The following TPRG1 variants were observed in gnomAD, a reference collection of about 807,000 sequenced individuals.
The protein encoded by TPRG1 is tumor protein p63 regulated 1.
TPRG1 carries 29 observed loss-of-function variants against 29.3 expected under a neutral mutation model. The ratio of observed to expected loss-of-function variants is 0.99; its 90% CI spans 0.74 to 1.35. TPRG1 has a LOEUF of 1.35. Among genes scored for constraint, TPRG1 ranks in the 40% most tolerant of loss-of-function variants. TPRG1 has a pLI of 0.00. For synonymous variants in TPRG1, 130 were observed against 116.8 expected, an observed-to-expected ratio of 1.11 and a Z score of -0.73; for missense variants, 327 against 335.0, an observed-to-expected ratio of 0.98 and a Z score of 0.19.
In TPRG1 at chr3:189,238,914, G is replaced by A; in HGVS notation, c.479+5G>A. 1 of 1,599,252 alleles carries A rather than the reference G, an allele frequency of 6.3e-7. No homozygotes were observed. Among genetic ancestry groups the A allele is most frequent in the African/African-American group, 1.3e-5 (1 of 74,580 alleles). On this transcript the variant is annotated splice_donor_5th_base_variant and intron_variant, in intron 4 of 5. Coordinates refer to ENST00000345063, the MANE Select transcript of TPRG1 (RefSeq NM_198485.4). ...CCCTGGGATGTCCCTGGACAAGTGA[G>A]TATATATCTTATACTTGAAGAAGTG...
intron 4 of TPRG1, among the ~76,000 whole-genome samples, chr3:189,149,057 T>C (rs1017824856): frequency 1.3e-5 from 2 of 152,218 alleles, no homozygotes; most frequent in Non-Finnish European, 2.9e-5. Context: ...GTCATAGGTA[T>C]CCATAAAGTA....
At chr3:189,002,270 C>A (rs112731219) in intron 2 of TPRG1, among the ~76,000 whole-genome samples, 106 of 152,032 alleles carry the variant, frequency 7.0e-4, no homozygotes, top group African/African-American at 2.5e-3. Context: ...GTCTCCTCCA[C>A]AGAGGCCAAC....
chr3:189,010,426 C>T (rs1712536614), intron 3 of TPRG1, among the ~76,000 whole-genome samples: 2 of 152,168 alleles, frequency 1.3e-5, no homozygotes, highest in East Asian at 1.9e-4. Context: ...TACTTTTTCT[C>T]CACAACCTCA....
At position 189,051,485 on chromosome 3, in the gene TPRG1, G is replaced by A. The variant is rs913201882; in HGVS notation, c.-463+27539G>A. 2.0e-5 allele frequency among the ~76,000 whole-genome samples: 3 copies of A among 152,054 alleles called. No homozygotes were observed. The South Asian group carries it at 6.2e-4, about 31-fold the overall frequency. ...GGAAACACATTCCATTCTCATGGAT[G>A]GGTAGAATCAATATTGTGAAAATGA... On this transcript the variant is annotated intron_variant, in intron 4 of 10. Transcript: ENST00000433971.
At chr3:189,265,643 C>T (rs766247324) in intron 4 of TPRG1, among the ~76,000 whole-genome samples, 12 of 152,168 alleles carry the variant, frequency 7.9e-5, no homozygotes, top group Non-Finnish European at 1.5e-4. Flanking sequence ...AAGTTAAAGG[C>T]TAGCAGAATA....
chr3:189,115,837 A>T (rs1319016517), intron 1 of TPRG1, among the ~76,000 whole-genome samples: 1 of 152,274 alleles, frequency 6.6e-6, no homozygotes, highest in East Asian at 1.9e-4. Flanking sequence ...TCTCTGTGAG[A>T]CTTCTTGGGC....
chr3:189,204,525 T>C (rs1439512918), intron 1 of TPRG1, among the ~76,000 whole-genome samples: 1 of 152,208 alleles, frequency 6.6e-6, no homozygotes, highest in South Asian at 2.1e-4. Flanking sequence ...CCACTATTTA[T>C]GGCAGTGAGA....
intron 4 of TPRG1, among the ~76,000 whole-genome samples, chr3:189,244,201 G>A (rs1215080516): frequency 6.6e-6 from 1 of 152,110 alleles, no homozygotes; most frequent in African/African-American, 2.4e-5. Context: ...AGGCCAAGGT[G>A]GATGGATCAC....
chr3:189,209,803 G>A (rs1048587074), intron 2 of TPRG1, among the ~76,000 whole-genome samples: 15 of 152,036 alleles, frequency 9.9e-5, no homozygotes, highest in South Asian at 4.2e-4. Context: ...TAGGTGTATC[G>A]AAAACAATCT....
At chr3:189,181,018 G>A (rs1230073880) in intron 1 of TPRG1, among the ~76,000 whole-genome samples, 1 of 152,196 alleles carries the variant, frequency 6.6e-6, no homozygotes, top group African/African-American at 2.4e-5. Context: ...AGCTGCCAAG[G>A]CTTGAGGCTT....
intron 4 of TPRG1, among the ~76,000 whole-genome samples, chr3:189,298,852 C>A (rs984938250): frequency 6.6e-6 from 1 of 152,112 alleles, no homozygotes; most frequent in Non-Finnish European, 1.5e-5. Context: ...GAAATTTGTT[C>A]CATTTCAAAT....
chr3:189,222,263 T>G lies in TPRG1; in HGVS notation c.302+6880T>G, dbSNP rs752501361. On this transcript the variant is annotated intron_variant, in intron 3 of 5. Coordinates refer to ENST00000345063, the MANE Select transcript of TPRG1 (RefSeq NM_198485.4). The stretch of plus-strand genomic sequence containing the variant: ...CAGTCACACGTTTACCTTGTCACAG[T>G]CTCATTATGTTATCAGGACTGCTAA... Among the ~76,000 whole-genome samples, 115 of 152,102 alleles carry G rather than the reference T, an allele frequency of 7.6e-4. 1 individual carries two copies. Among genetic ancestry groups the G allele is most frequent in the Non-Finnish European group, 2.4e-4 (16 of 68,030 alleles).
intron 1 of TPRG1, among the ~76,000 whole-genome samples, chr3:189,119,489 C>A (rs1451190894): frequency 6.6e-6 from 1 of 152,112 alleles, no homozygotes; most frequent in Non-Finnish European, 1.5e-5. Context: ...TTGGCAGGGG[C>A]CAAGGGCAAA....
chr3:189,187,388 C>T (rs1465944859), intron 1 of TPRG1, among the ~76,000 whole-genome samples: 1 of 152,020 alleles, frequency 6.6e-6, no homozygotes, highest in Non-Finnish European at 1.5e-5. Flanking sequence ...CTCACTGCAA[C>T]CTCTGCCTCC....
intron 5 of TPRG1, among the ~76,000 whole-genome samples, chr3:189,157,762 C>G (rs1225258600): frequency 6.6e-6 from 1 of 152,172 alleles, no homozygotes; most frequent in East Asian, 1.9e-4. Flanking sequence ...TGAATGCCCT[C>G]CCTGTCCTCC....
intron 5 of TPRG1, among the ~76,000 whole-genome samples, chr3:189,318,104 G>A (rs769149055): frequency 1.3e-4 from 20 of 152,266 alleles, no homozygotes; most frequent in Non-Finnish European, 2.5e-4. Flanking sequence ...TTGGACGGGC[G>A]TGCCCTCTAT....
At chr3:189,112,346 G>A (rs1025061848) in intron 1 of TPRG1, among the ~76,000 whole-genome samples, 4 of 152,158 alleles carry the variant, frequency 2.6e-5, no homozygotes, top group African/African-American at 9.7e-5. Context: ...TCTGATGGTA[G>A]TTTCTTTTGC....
intron 2 of TPRG1, among the ~76,000 whole-genome samples, chr3:189,130,633 C>T (rs1723004841): frequency 6.7e-6 from 1 of 149,992 alleles, no homozygotes; most frequent in South Asian, 2.1e-4. Context: ...AGATTCCCTT[C>T]TGTGAGTGTG....
intron 1 of TPRG1, among the ~76,000 whole-genome samples, chr3:189,175,755 A>G (rs1729404868): frequency 6.6e-6 from 1 of 152,228 alleles, no homozygotes; most frequent in Admixed American, 6.5e-5. Flanking sequence ...TATTTTTAAA[A>G]TATGTTAAGC....
Sources: gnomAD v4.1 joint callset for allele counts (sites outside exome capture counted in the v4.1 genomes callset) on GRCh38, gnomAD v4.1.1 for gene constraint, MANE v1.5 for transcripts, NCBI Gene and HGNC (gene_info 2026-07-23, HGNC 2026-07-21) for gene names.